RAPGEF6: variants seen among roughly 807,000 people sequenced by gnomAD.
RAPGEF6 encodes the protein Rap guanine nucleotide exchange factor 6, also known as PDZ domain containing guanine nucleotide exchange factor (GEF) 2.
RAPGEF6 carries 56 observed loss-of-function variants against 171.4 expected under a neutral mutation model. The ratio of observed to expected loss-of-function variants is 0.33; its 90% CI spans 0.26 to 0.41. The LOEUF is 0.41. Among genes scored for constraint, RAPGEF6 ranks in the 10% least tolerant of loss-of-function variants. The probability of loss-of-function intolerance (pLI) is 1.00; values close to 1 mark genes in which losing one functional copy is unlikely to be tolerated. For missense variants in RAPGEF6, 1,674 were observed against 1,921.4 expected, an observed-to-expected ratio of 0.87 and a Z score of 2.41; for synonymous variants, 692 against 650.1, an observed-to-expected ratio of 1.06 and a Z score of -0.98.
chr5:131,564,478 G>C (rs896718100), intron 4 of RAPGEF6, among the ~76,000 whole-genome samples: 6 of 152,092 alleles, frequency 3.9e-5, no homozygotes, highest in African/African-American at 4.8e-5. Flanking sequence ...ACATTTAAAA[G>C]ATAAAGCTCA....
At chr5:131,450,319 T>C (rs1286042668) in intron 21 of RAPGEF6, among the ~76,000 whole-genome samples, 2 of 152,178 alleles carry the variant, frequency 1.3e-5, no homozygotes, top group East Asian at 3.8e-4. Context: ...AGGAAGCTTA[T>C]ATAAATAAGA....
intron 4 of RAPGEF6, among the ~76,000 whole-genome samples, chr5:131,565,989 A>G (rs1164218260): frequency 6.6e-6 from 1 of 152,070 alleles, no homozygotes; most frequent in Non-Finnish European, 1.5e-5. Flanking sequence ...CTACAAAAAA[A>G]CACAAAAATC....
intron 20 of RAPGEF6, among the ~76,000 whole-genome samples, chr5:131,455,249 T>C (rs1327740291): frequency 6.6e-6 from 1 of 152,136 alleles, no homozygotes; most frequent in Non-Finnish European, 1.5e-5. Context: ...AATCAGGAGA[T>C]GAGCAAATGG....
chr5:131,528,321 A>ATT (rs1209763700), intron 6 of RAPGEF6, among the ~76,000 whole-genome samples: 24 of 54,396 alleles, frequency 4.4e-4, no homozygotes, highest in Admixed American at 2.8e-3. Context: ...TATTATATAT[A>ATT]TATATATATA....
At chr5:131,452,784 C>CTGT (rs1753192736) in intron 21 of RAPGEF6, among the ~76,000 whole-genome samples, 2 of 151,878 alleles carry the variant, frequency 1.3e-5, no homozygotes, top group Non-Finnish European at 2.9e-5. Context: ...TTTTAAAGAA[C>CTGT]AATAATACAG....
At chr5:131,524,878 A>C (rs763488694) in intron 6 of RAPGEF6, among the ~76,000 whole-genome samples, 10 of 152,132 alleles carry the variant, frequency 6.6e-5, no homozygotes, top group Non-Finnish European at 1.5e-4. Context: ...AGCCTCCCAA[A>C]GTGCTGGGAT....
chr5:131,558,547 A>C (rs562341747), intron 5 of RAPGEF6, among the ~76,000 whole-genome samples: 2 of 152,114 alleles, frequency 1.3e-5, no homozygotes, highest in Non-Finnish European at 2.9e-5. Context: ...GCTGCTCTTT[A>C]ATTTCCTGAC....
At chr5:131,578,533 C>T (rs1208269009) in intron 4 of RAPGEF6, among the ~76,000 whole-genome samples, 1 of 152,136 alleles carries the variant, frequency 6.6e-6, no homozygotes, top group African/African-American at 2.4e-5. Context: ...CACACTACTC[C>T]GCATCTACTT....
At chr5:131,615,468 A>C (rs772832915) in intron 1 of RAPGEF6, among the ~76,000 whole-genome samples, 153 of 152,324 alleles carry the variant, frequency 1.0e-3, no homozygotes, top group Admixed American at 2.8e-3. Flanking sequence ...AGTCACAAAT[A>C]AAAAAAGAAA....
chr5:131,615,904 TA>T (rs375209713), intron 1 of RAPGEF6, among the ~76,000 whole-genome samples: 87 of 143,356 alleles, frequency 6.1e-4, no homozygotes, highest in Admixed American at 7.7e-4. Flanking sequence ...CTGTCTCAAT[TA>T]AAAAAAAAAA....
intron 15 of RAPGEF6, among the ~76,000 whole-genome samples, chr5:131,481,551 TCTAA>T (rs1379717357): frequency 1.3e-5 from 2 of 152,172 alleles, no homozygotes; most frequent in Non-Finnish European, 2.9e-5. Flanking sequence ...TTCTATCAAG[TCTAA>T]CTAAGTCTGG....
chr5:131,604,487 A>C, intron 2 of RAPGEF6, 136 bp downstream of exon 2: 1 of 929,990 alleles, frequency 1.1e-6, no homozygotes, highest in Non-Finnish European at 1.5e-6. Context: ...ACTCCAGGAA[A>C]CCAGGGATCT....
At chr5:131,553,062 C>A (rs1383262559) in intron 5 of RAPGEF6, among the ~76,000 whole-genome samples, 2 of 152,042 alleles carry the variant, frequency 1.3e-5, no homozygotes, top group Non-Finnish European at 2.9e-5. Context: ...GACAAGAAAG[C>A]CCTAAGTGCC....
At chr5:131,592,104 C>T (rs980717260) in intron 4 of RAPGEF6, among the ~76,000 whole-genome samples, 1 of 152,176 alleles carries the variant, frequency 6.6e-6, no homozygotes, top group Non-Finnish European at 1.5e-5. Context: ...GATCCGCCCG[C>T]ATCAGTCTCC....
At chr5:131,446,728 A>T (rs376901045) in intron 21 of RAPGEF6, 25 bp from the exon 22 acceptor site, 4 of 1,586,430 alleles carry the variant, frequency 2.5e-6, no homozygotes, top group Non-Finnish European at 3.5e-6. Flanking sequence ...AAATCACAAT[A>T]AGGGGCTATA....
intron 3 of RAPGEF6, among the ~76,000 whole-genome samples, chr5:131,595,614 G>A (rs1286153106): frequency 6.6e-6 from 1 of 151,814 alleles, no homozygotes; most frequent in South Asian, 2.1e-4. Flanking sequence ...TAGCACCACA[G>A]TGAGCCACAA....
chr5:131,572,158 G>A (rs568961580), intron 4 of RAPGEF6, among the ~76,000 whole-genome samples: 3 of 152,176 alleles, frequency 2.0e-5, no homozygotes, highest in East Asian at 3.9e-4. Context: ...ATGGACGTGC[G>A]TAACATTTGG....
intron 5 of RAPGEF6, among the ~76,000 whole-genome samples, chr5:131,552,595 G>A (rs964611552): frequency 1.3e-5 from 2 of 151,644 alleles, no homozygotes; most frequent in Non-Finnish European, 2.9e-5. Context: ...CAAGTAGCTG[G>A]GATTACAGGC....
rs182287463 is a variant in RAPGEF6 at position 131,569,960 on chromosome 5, T to C, written c.282-7913A>G. Among the ~76,000 whole-genome samples the C allele has an allele frequency of 2.4e-3, 351 of 143,692 alleles. 1 individual carries two copies. The highest frequency in any genetic ancestry group is 4.8e-3 in the South Asian group (22 of 4,560). The allele number at this position is 143,692 out of a possible 152,430, so 94.3% of individuals were successfully genotyped here. On this transcript the variant is annotated intron_variant, in intron 4 of 27. Coordinates refer to ENST00000509018, the MANE Select transcript of RAPGEF6 (RefSeq NM_016340.6). ...GGGAGGCTGAGGCAGGAGAATTGCT[T>C]GACCCCGGGAGGCAGAGGTTGCAGT...
Sources: allele counts gnomAD v4.1 joint callset (sites outside exome capture counted in the v4.1 genomes callset), GRCh38; gene constraint gnomAD v4.1.1; transcripts MANE v1.5; gene names NCBI Gene and HGNC (gene_info 2026-07-23, HGNC 2026-07-21).